LRRC69: variants seen among roughly 807,000 people sequenced by gnomAD.
The protein encoded by LRRC69 is leucine-rich repeat-containing protein 69.
A neutral mutation model predicts 37.8 loss-of-function variants in LRRC69; 42 were observed. The observed-to-expected ratio is 1.11, with a 90% CI of 0.87 to 1.44. The LOEUF is 1.44. Ranked by LOEUF, LRRC69 falls within the 40% of genes most tolerant of loss-of-function variation. The pLI is 0.00. For missense variants in LRRC69, 357 were observed against 401.9 expected, an observed-to-expected ratio of 0.89 and a Z score of 0.96; for synonymous variants, 141 against 143.1, an observed-to-expected ratio of 0.99 and a Z score of 0.11.
intron 5 of LRRC69, chr8:91,158,118 C>T (rs1808869216): frequency 7.0e-6 from 11 of 1,563,778 alleles, no homozygotes; most frequent in Non-Finnish European, 9.7e-6. Flanking sequence ...TTTATTCCAG[C>T]ATTACCAGGT....
At chr8:91,145,848 C>T (rs1808610389) in intron 5 of LRRC69, among the ~76,000 whole-genome samples, 1 of 151,784 alleles carries the variant, frequency 6.6e-6, no homozygotes, top group African/African-American at 2.4e-5. Flanking sequence ...GTTATTGCTT[C>T]TTTCACCATT....
intron 3 of LRRC69, among the ~76,000 whole-genome samples, chr8:91,131,016 G>A (rs1201551735): frequency 6.6e-6 from 1 of 151,878 alleles, no homozygotes; most frequent in Non-Finnish European, 1.5e-5. Flanking sequence ...CCATCACATT[G>A]GAGATTAGAT....
chr8:91,177,067 G>A (rs1317220213), intron 5 of LRRC69, among the ~76,000 whole-genome samples: 1 of 151,924 alleles, frequency 6.6e-6, no homozygotes, highest in East Asian at 1.9e-4. Context: ...TTTGGGGGGA[G>A]GAATCAGATC....
At chr8:91,144,044 TAGAA>T (rs1489682813) in intron 5 of LRRC69, among the ~76,000 whole-genome samples, 11 of 152,114 alleles carry the variant, frequency 7.2e-5, no homozygotes, top group Admixed American at 2.0e-4. Flanking sequence ...TCAGTAATGA[TAGAA>T]TGAATGAATA....
rs35968986 is a variant in LRRC69, at chr8:91,210,562, GACACACACACACAC to G, written c.934-8308_934-8295del. Among the ~76,000 whole-genome samples the G allele has an allele frequency of 3.7e-3, 535 of 146,196 alleles. 6 individuals are homozygous for G. The highest frequency in any genetic ancestry group is 4.7e-3 in the Non-Finnish European group (311 of 66,066). On this transcript the variant is annotated intron_variant, in intron 7 of 7. Coordinates refer to ENST00000448384, the Ensembl canonical transcript of LRRC69. The stretch of plus-strand genomic sequence containing the variant: ...TTAAACACAGACACACACACACACA[GACACACACACACAC>G]ACACACACACACACACACAGGTTAA...
chr8:91,109,109 T>C (rs1813368645), intron 1 of LRRC69, among the ~76,000 whole-genome samples: 1 of 151,948 alleles, frequency 6.6e-6, no homozygotes, highest in South Asian at 2.1e-4. Flanking sequence ...CATTATCCTG[T>C]TTTGTTGTGT....
At chr8:91,118,240 C>T (rs769193516) in intron 1 of LRRC69, 120 of 454,918 alleles carry the variant, frequency 2.6e-4, no homozygotes, top group South Asian at 1.8e-3. Context: ...TGCGGTGGCT[C>T]ATGCCTGTAA....
chr8:91,188,659 G>T (rs1809441479), intron 5 of LRRC69, among the ~76,000 whole-genome samples: 1 of 152,130 alleles, frequency 6.6e-6, no homozygotes. Flanking sequence ...ATGGGTTTTT[G>T]GGAGGCAAGG....
chr8:91,126,991 A>T, intron 2 of LRRC69, 97 bp from the exon 3 acceptor site: 1 of 923,772 alleles, frequency 1.1e-6, no homozygotes, highest in South Asian at 1.5e-5. Context: ...TGGCCAAGGC[A>T]AGAACCAGAA....
intron 1 of LRRC69, among the ~76,000 whole-genome samples, chr8:91,108,047 A>G (rs951651705): frequency 5.9e-5 from 9 of 152,090 alleles, no homozygotes; most frequent in Admixed American, 2.0e-4. Context: ...TGTGTGCAGC[A>G]TTGTTGACAT....
intron 7 of LRRC69, among the ~76,000 whole-genome samples, chr8:91,211,266 A>G (rs999165687): frequency 2.6e-5 from 4 of 152,104 alleles, no homozygotes; most frequent in African/African-American, 9.6e-5. Context: ...CATTAAGCTA[A>G]TAATATCTAG....
At chr8:91,145,846 T>G (rs1808610347) in intron 5 of LRRC69, among the ~76,000 whole-genome samples, 2 of 151,922 alleles carry the variant, frequency 1.3e-5, no homozygotes, top group Non-Finnish European at 1.5e-5. Flanking sequence ...ATGTTATTGC[T>G]TCTTTCACCA....
chr8:91,147,603 G>C (rs11987648), intron 5 of LRRC69, among the ~76,000 whole-genome samples: 5,296 of 151,632 alleles, frequency 0.035, 323 homozygotes, highest in African/African-American at 0.12. Context: ...TACTTGTTCT[G>C]TACTCCTTTT....
intron 1 of LRRC69, among the ~76,000 whole-genome samples, chr8:91,108,661 A>C (rs887316776): frequency 6.6e-6 from 1 of 152,070 alleles, no homozygotes; most frequent in Non-Finnish European, 1.5e-5. Flanking sequence ...CATGCGGCCC[A>C]GGACGGCTTT....
At chr8:91,212,852 CTTATTGT>C (rs1809956781) in intron 7 of LRRC69, among the ~76,000 whole-genome samples, 1 of 152,090 alleles carries the variant, frequency 6.6e-6, no homozygotes, top group South Asian at 2.1e-4. Context: ...ATATATATTT[CTTATTGT>C]TTTATTCCAA....
chr8:91,138,080 A>G (rs959266544), intron 5 of LRRC69, among the ~76,000 whole-genome samples: 1 of 152,038 alleles, frequency 6.6e-6, no homozygotes, highest in African/African-American at 2.4e-5. Flanking sequence ...ACAATATTAA[A>G]ACCACTAACC....
chr8:91,126,662 G>A (rs1394353395), intron 2 of LRRC69, among the ~76,000 whole-genome samples: 1 of 151,948 alleles, frequency 6.6e-6, no homozygotes, highest in Non-Finnish European at 1.5e-5. Context: ...TTGTGATATG[G>A]TTATGAGTAC....
intron 5 of LRRC69, among the ~76,000 whole-genome samples, chr8:91,137,875 A>C (rs1423203579): frequency 6.6e-6 from 1 of 152,086 alleles, no homozygotes; most frequent in Non-Finnish European, 1.5e-5. Flanking sequence ...AAAGAGAGTA[A>C]GTTTCAAAAT....
chr8:91,146,692 A>G (rs77088745), intron 5 of LRRC69, among the ~76,000 whole-genome samples: 7,955 of 151,876 alleles, frequency 0.052, 295 homozygotes, highest in Middle Eastern at 0.16. Context: ...ATGGGTGGGT[A>G]GATATGGATT....
Sources: gnomAD v4.1 joint callset for allele counts (sites outside exome capture counted in the v4.1 genomes callset) on GRCh38, gnomAD v4.1.1 for gene constraint, MANE v1.5 for transcripts, NCBI Gene and HGNC (gene_info 2026-07-23, HGNC 2026-07-21) for gene names.